VSNL1: variants seen among roughly 807,000 people sequenced by gnomAD.
VSNL1 encodes the protein visinin like 1, also known as visinin-like protein 1.
In VSNL1, 6 loss-of-function variants were observed where a neutral mutation model predicts 20.4. That is an observed-to-expected ratio of 0.29 (90% CI 0.16 to 0.58). VSNL1 has a LOEUF of 0.58. Among genes scored for constraint, VSNL1 ranks in the 20% least tolerant of loss-of-function variants. VSNL1 has a pLI of 0.90. For synonymous variants in VSNL1, 93 were observed against 86.4 expected (o/e 1.08, Z -0.42); for missense variants, 100 against 234.5 (o/e 0.43, Z 3.75).
chr2:17,645,650 T>G (rs915750239), intron 2 of VSNL1, among the ~76,000 whole-genome samples: 3 of 152,112 alleles, frequency 2.0e-5, no homozygotes, highest in South Asian at 4.1e-4. Flanking sequence ...CACAACTAGA[T>G]AGATTACTGA....
At position 17,592,263 on chromosome 2, in the gene VSNL1, A is replaced by C. The variant is rs758233291; in HGVS notation, c.162+27A>C. The C allele has an allele frequency of 1.9e-6, 3 of 1,611,316 alleles. No individual in the cohort carries two copies. The Admixed American group carries it at 5.0e-5, about 27-fold the overall frequency. On this transcript the variant is annotated intron_variant, in intron 2 of 3. Transcript: ENST00000295156. ...TAAGTTGTTTTTCAACCTTGTTTTT[A>C]TTCCTTAGGCCAGAAACTATGGCCT...
At position 17,632,607 on chromosome 2, in the gene VSNL1, A is replaced by G. The variant is rs147159173; in HGVS notation, c.163-16803A>G. On this transcript the variant is annotated intron_variant, in intron 2 of 3. Coordinates refer to ENST00000295156, the MANE Select transcript of VSNL1 (RefSeq NM_003385.5). ...AGCCACTGTGCCTGGCCAAACAATGATCACTCTTAATAATAACTCTGAGTG... is the reference window on the plus strand; with the variant it reads ...AGCCACTGTGCCTGGCCAAACAATGGTCACTCTTAATAATAACTCTGAGTG... Among the ~76,000 whole-genome samples, 111 of 152,314 alleles carry G rather than the reference A, an allele frequency of 7.3e-4. 1 individual carries two copies. Among genetic ancestry groups the G allele is most frequent in the African/African-American group, 2.5e-3 (105 of 41,584 alleles).
chr2:17,603,121 G>A (rs942429193), intron 2 of VSNL1, among the ~76,000 whole-genome samples: 6 of 152,220 alleles, frequency 3.9e-5, no homozygotes, highest in Non-Finnish European at 7.3e-5. Flanking sequence ...GTAGCTGCAA[G>A]GATGTCATTC....
intron 2 of VSNL1, among the ~76,000 whole-genome samples, chr2:17,613,159 C>G (rs1665130123): frequency 6.6e-6 from 1 of 152,150 alleles, no homozygotes; most frequent in South Asian, 2.1e-4. Flanking sequence ...CAATTCATCA[C>G]CATCCACCAA....
chr2:17,561,139 T>A (rs1187966486), intron 1 of VSNL1, among the ~76,000 whole-genome samples: 2 of 152,136 alleles, frequency 1.3e-5, no homozygotes, highest in Non-Finnish European at 2.9e-5. Flanking sequence ...TGATAGAGCT[T>A]ATGGTAGGGA....
intron 1 of VSNL1, among the ~76,000 whole-genome samples, chr2:17,568,170 T>G (rs1035334704): frequency 1.1e-4 from 17 of 152,216 alleles, no homozygotes; most frequent in Non-Finnish European, 1.9e-4. Context: ...TTATTTATTT[T>G]CCTTCCTTTC....
chr2:17,627,980 T>A (rs1204619871), intron 2 of VSNL1, among the ~76,000 whole-genome samples: 1 of 152,240 alleles, frequency 6.6e-6, no homozygotes, highest in Non-Finnish European at 1.5e-5. Flanking sequence ...AGAAGCAAGA[T>A]GGGGTCAGTT....
At chr2:17,654,789 T>A (rs914764055) in intron 3 of VSNL1, among the ~76,000 whole-genome samples, 4 of 152,204 alleles carry the variant, frequency 2.6e-5, no homozygotes, top group Non-Finnish European at 5.9e-5. Context: ...TCCAGCTTCA[T>A]CTTTCAACAC....
intron 1 of VSNL1, among the ~76,000 whole-genome samples, chr2:17,548,329 G>A (rs1345861262): frequency 6.6e-6 from 1 of 150,990 alleles, no homozygotes; most frequent in Non-Finnish European, 1.5e-5. Context: ...CAATTTCCTA[G>A]GAAATTTCAG....
intron 1 of VSNL1, among the ~76,000 whole-genome samples, chr2:17,577,143 G>C (rs1664233125): frequency 6.6e-6 from 1 of 152,314 alleles, no homozygotes; most frequent in East Asian, 1.9e-4. Flanking sequence ...AAAATGTACA[G>C]TAAAAATATA....
At chr2:17,615,107 A>C (rs1056976005) in intron 2 of VSNL1, among the ~76,000 whole-genome samples, 1 of 152,194 alleles carries the variant, frequency 6.6e-6, no homozygotes, top group Non-Finnish European at 1.5e-5. Flanking sequence ...TATCCATGAC[A>C]TGTCATTAAA....
intron 3 of VSNL1, among the ~76,000 whole-genome samples, chr2:17,653,145 A>G (rs1328567787): frequency 6.6e-6 from 1 of 152,182 alleles, no homozygotes; most frequent in Non-Finnish European, 1.5e-5. Context: ...CGAGTCTGGC[A>G]TGCCCGGCCT....
At chr2:17,601,127 G>T (rs1163427666) in intron 2 of VSNL1, among the ~76,000 whole-genome samples, 1 of 152,162 alleles carries the variant, frequency 6.6e-6, no homozygotes, top group Non-Finnish European at 1.5e-5. Context: ...CATCCTGAAG[G>T]AATTGCTCTT....
chr2:17,572,074 A>C (rs1396460151), intron 1 of VSNL1, among the ~76,000 whole-genome samples: 1 of 152,190 alleles, frequency 6.6e-6, no homozygotes, highest in Non-Finnish European at 1.5e-5. Context: ...GTGCACCCTG[A>C]TTTTCTTAAG....
At chr2:17,584,047 A>G (rs966156419) in intron 1 of VSNL1, among the ~76,000 whole-genome samples, 1 of 152,200 alleles carries the variant, frequency 6.6e-6, no homozygotes, top group African/African-American at 2.4e-5. Context: ...TTGAGCAAAT[A>G]ACATTATTTT....
intron 1 of VSNL1, among the ~76,000 whole-genome samples, chr2:17,584,894 C>T (rs1483907522): frequency 6.6e-6 from 1 of 152,150 alleles, no homozygotes; most frequent in Non-Finnish European, 1.5e-5. Flanking sequence ...CTTGGGCCTC[C>T]TCTAGAAAAC....
At chr2:17,631,860 C>A (rs1263334100) in intron 2 of VSNL1, among the ~76,000 whole-genome samples, 6 of 152,168 alleles carry the variant, frequency 3.9e-5, no homozygotes, top group African/African-American at 9.7e-5. Context: ...TACTTAATGA[C>A]TAGAATGAAG....
rs189347824 is a variant in VSNL1, at chr2:17,591,839, C to T, written c.-5-231C>T. On this transcript the variant is annotated intron_variant, in intron 1 of 3. Transcript: ENST00000295156. Reference sequence around the variant, plus strand: ...AGTCAACACCATATGAAAGATGACACAATGAGGTAAAGAGTGAATGCTACA... The same window carrying T: ...AGTCAACACCATATGAAAGATGACATAATGAGGTAAAGAGTGAATGCTACA... Among the ~76,000 whole-genome samples, 21 of 152,088 alleles carry T rather than the reference C, an allele frequency of 1.4e-4. No homozygotes were observed. The East Asian group carries it at 3.5e-3, about 25-fold the overall frequency.
At chr2:17,639,735 A>C (rs1436917666) in intron 2 of VSNL1, among the ~76,000 whole-genome samples, 2 of 152,192 alleles carry the variant, frequency 1.3e-5, no homozygotes, top group African/African-American at 4.8e-5. Flanking sequence ...TGTGCACATC[A>C]TGTGTGTGCT....
Sources: allele counts gnomAD v4.1 joint callset (sites outside exome capture counted in the v4.1 genomes callset), GRCh38; gene constraint gnomAD v4.1.1; transcripts MANE v1.5; gene names NCBI Gene and HGNC (gene_info 2026-07-23, HGNC 2026-07-21).